ERG: variants seen among roughly 807,000 people sequenced by gnomAD.
The protein encoded by ERG is ETS transcription factor ERG.
A neutral mutation model predicts 55.3 loss-of-function variants in ERG; 9 were observed. The ratio of observed to expected loss-of-function variants is 0.16; its 90% CI spans 0.10 to 0.28. The LOEUF is 0.28. Among genes scored for constraint, ERG ranks in the 10% least tolerant of loss-of-function variants. The pLI is 1.00. For missense variants in ERG, 434 were observed against 631.6 expected (o/e 0.69, Z 3.35); for synonymous variants, 223 against 237.3 (o/e 0.94, Z 0.55).
intron 2 of ERG, among the ~76,000 whole-genome samples, chr21:38,508,439 G>A (rs1484189078): frequency 6.6e-6 from 1 of 152,162 alleles, no homozygotes; most frequent in East Asian, 1.9e-4. Context: ...GAATGAATGA[G>A]TGGATGAGTG....
chr21:38,425,598 G>A (rs1460956177), intron 2 of ERG, among the ~76,000 whole-genome samples: 1 of 152,164 alleles, frequency 6.6e-6, no homozygotes, highest in African/African-American at 2.4e-5. Context: ...ATGCCTCTCA[G>A]GCTCTATCCA....
chr21:38,431,836 G>A (rs1193847989), intron 2 of ERG, among the ~76,000 whole-genome samples: 1 of 152,118 alleles, frequency 6.6e-6, no homozygotes, highest in Non-Finnish European at 1.5e-5. Context: ...AGACCATCCC[G>A]CACCGTGCCA....
In ERG at chr21:38,431,337, G is replaced by A. The variant is rs1321520343; in HGVS notation, c.237-7776C>T. On this transcript the variant is annotated intron_variant, in intron 2 of 9. Coordinates refer to ENST00000288319, the MANE Select transcript of ERG (RefSeq NM_182918.4). ...CTTGGATGAACAAGAGTTTAGCTTCGTTAACAGTTTTTTAGGGAGGGGCTT... is the reference window on the plus strand; with the variant it reads ...CTTGGATGAACAAGAGTTTAGCTTCATTAACAGTTTTTTAGGGAGGGGCTT... Among the ~76,000 whole-genome samples the A allele has an allele frequency of 3.9e-5, 6 of 152,160 alleles. No homozygotes were observed. In the East Asian group the frequency reaches 5.8e-4, roughly 15 times the overall value.
intron 9 of ERG, among the ~76,000 whole-genome samples, chr21:38,384,294 C>T (rs563434800): frequency 2.4e-4 from 36 of 152,348 alleles, no homozygotes; most frequent in African/African-American, 8.7e-4. Context: ...TGCAAGGAGG[C>T]TTGGAGGAGG....
In ERG at chr21:38,654,839, T is replaced by G. The variant is rs555091440; in HGVS notation, c.-150+6819A>C. Among the ~76,000 whole-genome samples the G allele has an allele frequency of 3.9e-5, 6 of 152,350 alleles. No individual in the cohort carries two copies. In the South Asian group the frequency reaches 1.0e-3, roughly 26 times the overall value. On this transcript the variant is annotated intron_variant, in intron 1 of 10. Coordinates refer to the ERG transcript ENST00000398910. ...TTGCACAAGGCAAGTTTAAACTTTG[T>G]GCAATTATAGACCCAGATTTGTAAA...
intron 1 of ERG, among the ~76,000 whole-genome samples, chr21:38,603,226 GT>G (rs921231658): frequency 9.9e-5 from 15 of 152,070 alleles, no homozygotes; most frequent in African/African-American, 3.4e-4. Flanking sequence ...TCCAGAGCAA[GT>G]CCTTTGTTAA....
At chr21:38,660,187 C>T (rs2146999005) in intron 1 of ERG, among the ~76,000 whole-genome samples, 1 of 152,286 alleles carries the variant, frequency 6.6e-6, no homozygotes, top group South Asian at 2.1e-4. Context: ...GGCCAAGCGT[C>T]AGCTTTTTTA....
chr21:38,427,149 G>C (rs894622212), intron 2 of ERG, among the ~76,000 whole-genome samples: 2 of 152,200 alleles, frequency 1.3e-5, no homozygotes, highest in African/African-American at 4.8e-5. Context: ...TTGGGAGGCT[G>C]AGGCAGGCAG....
intron 2 of ERG, among the ~76,000 whole-genome samples, chr21:38,566,162 T>A (rs2059921507): frequency 6.6e-6 from 1 of 152,180 alleles, no homozygotes; most frequent in Admixed American, 6.5e-5. Flanking sequence ...CAATACACCA[T>A]GGGATTTTGC....
intron 1 of ERG, among the ~76,000 whole-genome samples, chr21:38,623,715 G>C (rs2060307458): frequency 1.3e-5 from 2 of 152,166 alleles, no homozygotes; most frequent in African/African-American, 4.8e-5. Flanking sequence ...AGCACTGACA[G>C]CAAACATGTA....
At chr21:38,430,491 A>G (rs1286235456) in intron 2 of ERG, among the ~76,000 whole-genome samples, 3 of 152,192 alleles carry the variant, frequency 2.0e-5, no homozygotes, top group Non-Finnish European at 4.4e-5. Context: ...TCTCAAATTT[A>G]CATTTTCAGT....
intron 1 of ERG, among the ~76,000 whole-genome samples, chr21:38,580,897 C>A (rs979441498): frequency 2.0e-5 from 3 of 152,162 alleles, no homozygotes. Context: ...AAGTTTGAGA[C>A]CCCTCGACCC....
chr21:38,553,602 A>G (rs2059838426), intron 2 of ERG, among the ~76,000 whole-genome samples: 2 of 152,210 alleles, frequency 1.3e-5, no homozygotes, highest in Non-Finnish European at 2.9e-5. Flanking sequence ...CTATTCAATA[A>G]ATAGTGCTTG....
chr21:38,572,322 C>T (rs1026604424), intron 2 of ERG, among the ~76,000 whole-genome samples: 17 of 147,564 alleles, frequency 1.2e-4, no homozygotes, highest in Non-Finnish European at 2.1e-4. Flanking sequence ...AAGCCAAGAT[C>T]GCGCCACTGC....
intron 3 of ERG, among the ~76,000 whole-genome samples, chr21:38,419,281 G>A (rs1000529351): frequency 6.6e-6 from 1 of 152,210 alleles, no homozygotes; most frequent in Non-Finnish European, 1.5e-5. Flanking sequence ...GCCTGGTGGC[G>A]CTACTGGTTG....
intron 2 of ERG, among the ~76,000 whole-genome samples, chr21:38,442,751 C>T (rs1404284234): frequency 1.3e-5 from 2 of 152,226 alleles, no homozygotes; most frequent in African/African-American, 4.8e-5. Flanking sequence ...CACAGGCTCA[C>T]ACTAAGGAAA....
At chr21:38,623,016 C>T (rs1435207936) in intron 1 of ERG, among the ~76,000 whole-genome samples, 2 of 144,666 alleles carry the variant, frequency 1.4e-5, no homozygotes, top group African/African-American at 5.2e-5. Context: ...AAAGCATGCA[C>T]ACACCACACA....
chr21:38,450,035 T>A (rs200151745), intron 1 of ERG, among the ~76,000 whole-genome samples: 1 of 151,730 alleles, frequency 6.6e-6, no homozygotes, highest in East Asian at 1.9e-4. Flanking sequence ...TTGATAATTA[T>A]GAAAAACAAA....
intron 2 of ERG, among the ~76,000 whole-genome samples, chr21:38,543,237 CA>C (rs1190288699): frequency 6.6e-6 from 1 of 152,100 alleles, no homozygotes; most frequent in Non-Finnish European, 1.5e-5. Flanking sequence ...AAGTATCTCT[CA>C]AAAACAGTCC....
Sources: gnomAD v4.1 joint callset for allele counts (sites outside exome capture counted in the v4.1 genomes callset) on GRCh38, gnomAD v4.1.1 for gene constraint, MANE v1.5 for transcripts, NCBI Gene and HGNC (gene_info 2026-07-23, HGNC 2026-07-21) for gene names.